Variants in DCT observed in about 807,000 individuals in gnomAD.
DCT encodes dopachrome tautomerase, also known as L-dopachrome tautomerase.
DCT carries 47 observed loss-of-function variants against 53.0 expected under a neutral mutation model. The ratio of observed to expected loss-of-function variants is 0.89; its 90% CI spans 0.70 to 1.13. DCT has a LOEUF of 1.13. Among genes scored for constraint, DCT ranks in the 50% most tolerant of loss-of-function variants. The pLI is 0.00. For missense variants in DCT, 669 were observed against 637.4 expected (o/e 1.05, Z -0.53); for synonymous variants, 244 against 237.0 (o/e 1.03, Z -0.27).
In DCT at chr13:94,443,600, C is replaced by G. The variant is rs745510649; in HGVS notation, c.1217G>C (p.Trp406Ser). The change falls in exon 7 of 8, where the codon TGG (tryptophan) becomes TCG (serine). Residue 406 changes from tryptophan to serine, a missense_variant. Trp to Ser is a radical substitution (Grantham distance 177). Coordinates refer to ENST00000377028, the MANE Select transcript of DCT (RefSeq NM_001922.5). Reference sequence around the variant, plus strand: ...TGCAGGAGGATTAAATCTTTTCATCCACTCATCAAAGATGGCATCAGTAAA... The same window carrying G: ...TGCAGGAGGATTAAATCTTTTCATCGACTCATCAAAGATGGCATCAGTAAA... ...HSFTDAIFDE[W>S]MKRFNPPADA... 2 of 1,613,886 alleles carry G rather than the reference C, an allele frequency of 1.2e-6. No homozygotes were observed. Among genetic ancestry groups the G allele is most frequent in the Non-Finnish European group, 1.7e-6 (2 of 1,179,978 alleles).
chr13:94,521,725 G>T, the DCT span, among the ~76,000 whole-genome samples: 11 of 151,996 alleles, frequency 7.2e-5, no homozygotes, highest in African/African-American at 2.7e-4. Flanking sequence ...TTCAATTGCT[G>T]CTTTTGTTGT....
the DCT span, among the ~76,000 whole-genome samples, chr13:94,541,610 G>A: frequency 3.3e-5 from 5 of 152,078 alleles, no homozygotes; most frequent in Non-Finnish European, 5.9e-5. Flanking sequence ...TGTGGTTTTT[G>A]CAACTTTAAA....
chr13:94,442,988 ATGT>A (rs1346595565), intron 7 of DCT, among the ~76,000 whole-genome samples: 2 of 152,144 alleles, frequency 1.3e-5, no homozygotes, highest in African/African-American at 2.4e-5. Flanking sequence ...CTCAAGGCAA[ATGT>A]TGTACTTTCC....
chr13:94,535,341 G>A, the DCT span, among the ~76,000 whole-genome samples: 1 of 152,180 alleles, frequency 6.6e-6, no homozygotes, highest in African/African-American at 2.4e-5. Flanking sequence ...GGAACGTTTG[G>A]CCTTTGGCTA....
At chr13:94,535,240 G>T in the DCT span, among the ~76,000 whole-genome samples, 1 of 152,208 alleles carries the variant, frequency 6.6e-6, no homozygotes, top group Non-Finnish European at 1.5e-5. Flanking sequence ...GTCCTCAGTT[G>T]TATGTATCAC....
In DCT at chr13:94,479,068, T is replaced by G; in HGVS notation, c.188A>C (p.Glu63Ala). ...GSQQGRGQCT[E>A]VRADTRPWSG... ...CCAGGGCCTTGTGTCGGCTCGCACC[T>G]CTGTGCACTGCCCCCGGCCTTGCTG... The change falls in exon 1 of 8, where the codon GAG (glutamate) becomes GCG (alanine). Residue 63 changes from glutamate to alanine, a missense_variant. Glu to Ala is a moderately radical substitution (Grantham distance 107, BLOSUM62 -1). Transcript: ENST00000377028. 1 of 1,614,240 alleles carries G rather than the reference T, an allele frequency of 6.2e-7. No individual in the cohort carries two copies. Among genetic ancestry groups the G allele is most frequent in the Non-Finnish European group, 8.5e-7 (1 of 1,180,040 alleles).
the DCT span, among the ~76,000 whole-genome samples, chr13:94,518,757 G>A: frequency 6.6e-6 from 1 of 152,092 alleles, no homozygotes; most frequent in African/African-American, 2.4e-5. Context: ...AATCATTTTG[G>A]CTCTCTGCTT....
rs1230890600 is a variant in DCT at position 94,467,538 on chromosome 13, T to A, written c.596-880A>T. The stretch of plus-strand genomic sequence containing the variant: ...TTCCTCAGAGTGATAACAGGAAAAC[T>A]ATAAAGGTTTATAGCCAAAAGAGCC... On this transcript the variant is annotated intron_variant, in intron 2 of 7. Coordinates refer to ENST00000377028, the MANE Select transcript of DCT (RefSeq NM_001922.5). 3 of 152,292 alleles carry A rather than the reference T, an allele frequency of 2.0e-5. No homozygotes were observed. In the East Asian group the frequency reaches 5.8e-4, roughly 29 times the overall value. 9.4% of individuals were successfully genotyped at this position (152,292 alleles called of 1,614,324 possible).
chr13:94,503,249 G>A, the DCT span, among the ~76,000 whole-genome samples: 1 of 151,930 alleles, frequency 6.6e-6, no homozygotes, highest in African/African-American at 2.4e-5. Flanking sequence ...GCATGGTGGT[G>A]CATGCCTGTA....
At chr13:94,513,987 C>CAA in the DCT span, among the ~76,000 whole-genome samples, 2,614 of 52,774 alleles carry the variant, frequency 0.05, 263 homozygotes, top group African/African-American at 0.12. Context: ...AACTCTGTCT[C>CAA]AAAAAAAAAA....
chr13:94,449,478 G>C (rs1882945656), intron 6 of DCT, among the ~76,000 whole-genome samples: 1 of 152,182 alleles, frequency 6.6e-6, no homozygotes, highest in Admixed American at 6.5e-5. Flanking sequence ...TGCCCAGAAG[G>C]CATCCTTTGT....
chr13:94,442,337 C>T (rs1294117097), intron 7 of DCT, among the ~76,000 whole-genome samples: 1 of 152,050 alleles, frequency 6.6e-6, no homozygotes, highest in East Asian at 1.9e-4. Flanking sequence ...AACAGGGTCT[C>T]ACTCTGTTGC....
chr13:94,531,582 C>A, the DCT span, among the ~76,000 whole-genome samples: 470 of 152,078 alleles, frequency 3.1e-3, 2 homozygotes, highest in African/African-American at 0.011. Flanking sequence ...AAAGCTGGCT[C>A]GCCATATGTA....
At chr13:94,453,110 T>C (rs770409902) in intron 6 of DCT, among the ~76,000 whole-genome samples, 7 of 152,144 alleles carry the variant, frequency 4.6e-5, no homozygotes, top group Non-Finnish European at 1.0e-4. Flanking sequence ...AGGTGCCTTA[T>C]AGAGATGGTC....
At chr13:94,523,507 A>G in the DCT span, among the ~76,000 whole-genome samples, 2 of 152,214 alleles carry the variant, frequency 1.3e-5, no homozygotes, top group Non-Finnish European at 1.5e-5. Context: ...GCCTCTGTAC[A>G]TAAGTCCCTA....
intron 6 of DCT, among the ~76,000 whole-genome samples, chr13:94,451,687 C>T (rs1227076695): frequency 6.6e-6 from 1 of 152,116 alleles, no homozygotes; most frequent in African/African-American, 2.4e-5. Context: ...ATTCTCCTCA[C>T]AAAAATGTAC....
chr13:94,535,739 A>C, the DCT span, among the ~76,000 whole-genome samples: 461 of 152,366 alleles, frequency 3.0e-3, 2 homozygotes, highest in African/African-American at 0.011. Context: ...TTCTAATTGC[A>C]GAGGTCGTCA....
At chr13:94,537,302 C>G in the DCT span, among the ~76,000 whole-genome samples, 2 of 152,206 alleles carry the variant, frequency 1.3e-5, no homozygotes, top group African/African-American at 4.8e-5. Context: ...GTTCTTCAAA[C>G]CTTCCATTTA....
At chr13:94,519,694 T>G in the DCT span, among the ~76,000 whole-genome samples, 3 of 152,204 alleles carry the variant, frequency 2.0e-5, no homozygotes, top group African/African-American at 7.2e-5. Flanking sequence ...GAAGATGTCC[T>G]TTTTCTATCT....
Sources: gnomAD v4.1 joint callset for allele counts (sites outside exome capture counted in the v4.1 genomes callset) on GRCh38, gnomAD v4.1.1 for gene constraint, MANE v1.5 for transcripts, NCBI Gene and HGNC (gene_info 2026-07-23, HGNC 2026-07-21) for gene names.